Variants in PPIG observed in about 807,000 individuals in gnomAD.
PPIG encodes peptidyl-prolyl cis-trans isomerase G.
Under a neutral mutation model 87.9 loss-of-function variants are expected in PPIG, and 26 were observed. The ratio of observed to expected loss-of-function variants is 0.30; its 90% CI spans 0.22 to 0.41. The LOEUF is 0.41. PPIG is among the 10% of genes least tolerant of loss of function. PPIG has a pLI of 1.00. For missense variants in PPIG, 722 were observed against 879.4 expected, an observed-to-expected ratio of 0.82 and a Z score of 2.26; for synonymous variants, 308 against 276.5, an observed-to-expected ratio of 1.11 and a Z score of -1.13.
intron 12 of PPIG, among the ~76,000 whole-genome samples, chr2:169,634,725 C>T (rs541483792): frequency 7.9e-5 from 12 of 151,886 alleles, no homozygotes; most frequent in African/African-American, 2.2e-4. Context: ...TACCCATCAC[C>T]GAATACTGTC....
chr2:169,621,392 A>G (rs1685746483), intron 9 of PPIG, among the ~76,000 whole-genome samples: 1 of 152,124 alleles, frequency 6.6e-6, no homozygotes, highest in Non-Finnish European at 1.5e-5. Context: ...GCAATAAATT[A>G]TTGCAGATGT....
At chr2:169,631,141 A>G (rs919477560) in intron 10 of PPIG, among the ~76,000 whole-genome samples, 154 bp downstream of exon 10, 1 of 152,160 alleles carries the variant, frequency 6.6e-6, no homozygotes, top group Admixed American at 6.5e-5. Flanking sequence ...TATAGATTAA[A>G]TTTTGGGTAC....
At chr2:169,633,334 A>G in intron 12 of PPIG, 87 bp downstream of exon 12, 1 of 1,056,686 alleles carries the variant, frequency 9.5e-7, no homozygotes, top group Non-Finnish European at 1.4e-6. Context: ...TATTATTTTA[A>G]TGTGCAAGTA....
chr2:169,628,552 G>A (rs886257649), intron 9 of PPIG, among the ~76,000 whole-genome samples: 1 of 152,138 alleles, frequency 6.6e-6, no homozygotes, highest in African/African-American at 2.4e-5. Flanking sequence ...ACATGTGCCT[G>A]TAGTCCTAGC....
At chr2:169,588,338 C>T (rs889748161) in intron 1 of PPIG, among the ~76,000 whole-genome samples, 4 of 152,068 alleles carry the variant, frequency 2.6e-5, no homozygotes, top group African/African-American at 9.6e-5. Flanking sequence ...TAATATTAAG[C>T]CATTATGTGG....
chr2:169,598,863 ATATT>A (rs1559176635), intron 1 of PPIG, among the ~76,000 whole-genome samples: 2 of 149,084 alleles, frequency 1.3e-5, no homozygotes, highest in African/African-American at 4.9e-5. Flanking sequence ...ACAGGTAAAT[ATATT>A]TATATAAATA....
rs1205150502 is a variant in PPIG at position 169,604,206 on chromosome 2, A to G, written c.81A>G (p.Glu27=). Reference sequence around the variant, plus strand: ...TTTCAGCTGGAAGAGTTGTCTTTGAATTATTTTCTGATGTGTGCCCCAAAA... The same window carrying G: ...TTTCAGCTGGAAGAGTTGTCTTTGAGTTATTTTCTGATGTGTGCCCCAAAA... ...NNQPAGRVVF[E]LFSDVCPKTC... Residue 27 remains glutamate (E), a synonymous_variant, in exon 4 of 14, where the codon GAA becomes GAG. Transcript: ENST00000260970. 4 of 1,612,960 alleles carry G rather than the reference A, an allele frequency of 2.5e-6. No individual in the cohort carries two copies. Among genetic ancestry groups the G allele is most frequent in the East Asian group, 2.2e-5 (1 of 44,848 alleles).
intron 1 of PPIG, among the ~76,000 whole-genome samples, chr2:169,600,938 A>G (rs1297509532): frequency 4.3e-5 from 3 of 70,064 alleles, no homozygotes; most frequent in African/African-American, 1.7e-4. Flanking sequence ...TTCAAACCTT[A>G]TACGTAAAGC....
chr2:169,612,054 C>T (rs1056730089), intron 7 of PPIG, among the ~76,000 whole-genome samples: 9 of 152,048 alleles, frequency 5.9e-5, no homozygotes, highest in Non-Finnish European at 8.8e-5. Context: ...TAGCTCACTG[C>T]GGCCTCAAAC....
Position 169,604,105 on chromosome 2 carries a change from A to G in PPIG, c.61+3A>G. ...CATTGCCATTAACAATCAACCTGGT[A>G]AGAATATTAGTTGACATTTATAAAT... On this transcript the variant is annotated splice_donor_region_variant and intron_variant, in intron 3 of 13. Transcript: ENST00000260970. 1 of 1,612,696 alleles carries G rather than the reference A, an allele frequency of 6.2e-7. No homozygotes were observed. The highest frequency in any genetic ancestry group is 8.5e-7 in the Non-Finnish European group (1 of 1,178,756).
At chr2:169,592,988 C>G (rs1328325366) in intron 1 of PPIG, among the ~76,000 whole-genome samples, 1 of 151,988 alleles carries the variant, frequency 6.6e-6, no homozygotes, top group Non-Finnish European at 1.5e-5. Flanking sequence ...ATCTTTCTTG[C>G]ATTTGAGGCA....
intron 7 of PPIG, among the ~76,000 whole-genome samples, chr2:169,611,367 A>G (rs1189642097): frequency 6.6e-6 from 1 of 152,208 alleles, no homozygotes; most frequent in Non-Finnish European, 1.5e-5. Context: ...GCTATAATAT[A>G]AATCTCTGCA....
chr2:169,622,539 A>G (rs1442686883), intron 9 of PPIG, among the ~76,000 whole-genome samples: 1 of 152,226 alleles, frequency 6.6e-6, no homozygotes, highest in Non-Finnish European at 1.5e-5. Flanking sequence ...AACTCATGCT[A>G]ACCTAGCATA....
At position 169,636,400 on chromosome 2, in the gene PPIG, T is replaced by C; in HGVS notation, c.1155-13T>C. The C allele has an allele frequency of 4.6e-6, 7 of 1,508,000 alleles. No individual in the cohort carries two copies. The Middle Eastern group carries it at 1.2e-3, about 268-fold the overall frequency. The allele number at this position is 1,508,000 out of a possible 1,614,324, so 93.4% of individuals were successfully genotyped here. On this transcript the variant is annotated splice_polypyrimidine_tract_variant and intron_variant, in intron 13 of 13. Coordinates refer to ENST00000260970, the MANE Select transcript of PPIG (RefSeq NM_004792.3). Reference sequence around the variant, plus strand: ...CTAATAACATTTCCCCAATTCTTTTTCTTATTTTTTAGGAGTGAGTTGAAT... The same window carrying C: ...CTAATAACATTTCCCCAATTCTTTTCCTTATTTTTTAGGAGTGAGTTGAAT...
At chr2:169,587,180 G>A (rs1553542577) in intron 1 of PPIG, among the ~76,000 whole-genome samples, 2 of 151,854 alleles carry the variant, frequency 1.3e-5, no homozygotes, top group South Asian at 2.1e-4. Context: ...TAATCCATCC[G>A]CCTCCGCCTC....
intron 9 of PPIG, among the ~76,000 whole-genome samples, chr2:169,620,378 CTG>C (rs1233347746): frequency 6.6e-6 from 1 of 151,918 alleles, no homozygotes; most frequent in Admixed American, 6.6e-5. Context: ...GTTTTTTTAA[CTG>C]TTTTATCCTA....
intron 1 of PPIG, among the ~76,000 whole-genome samples, chr2:169,587,639 C>T (rs976606437): frequency 3.3e-5 from 5 of 152,082 alleles, no homozygotes; most frequent in Admixed American, 2.6e-4. Context: ...CATAAGAACT[C>T]GGTATTTTTA....
chr2:169,631,502 C>G (rs557967046), intron 10 of PPIG: 1 of 1,040,374 alleles, frequency 9.6e-7, no homozygotes, highest in Admixed American at 4.4e-5. Context: ...GTGCATTGCT[C>G]ACATAGTTTC....
intron 1 of PPIG, among the ~76,000 whole-genome samples, chr2:169,592,234 T>C (rs1684884261): frequency 6.6e-6 from 1 of 151,352 alleles, no homozygotes. Context: ...CTCTTTACTT[T>C]TACTTGAAAA....
Sources: allele counts gnomAD v4.1 joint callset (sites outside exome capture counted in the v4.1 genomes callset), GRCh38; gene constraint gnomAD v4.1.1; transcripts MANE v1.5; gene names NCBI Gene and HGNC (gene_info 2026-07-23, HGNC 2026-07-21).